PSD3: variants seen among roughly 807,000 people sequenced by gnomAD.
The protein encoded by PSD3 is pleckstrin and Sec7 domain containing 3, also known as PH and SEC7 domain-containing protein 3.
In PSD3, 49 loss-of-function variants were observed where a neutral mutation model predicts 105.5. The ratio of observed to expected loss-of-function variants is 0.46; its 90% confidence interval spans 0.37 to 0.59. PSD3 has a LOEUF of 0.59. PSD3 is among the 20% of genes least tolerant of loss of function. The probability of loss-of-function intolerance (pLI) is 0.00; values close to 1 mark genes in which losing one functional copy is unlikely to be tolerated. For missense variants in PSD3, 1,561 were observed against 1,263.8 expected (o/e 1.24, Z -3.57); for synonymous variants, 557 against 457.8 (o/e 1.22, Z -2.77).
At chr8:18,975,210 C>A (rs1232992686) in intron 1 of PSD3, among the ~76,000 whole-genome samples, 1 of 151,956 alleles carries the variant, frequency 6.6e-6, no homozygotes, top group African/African-American at 2.4e-5. Flanking sequence ...TTCTACATCC[C>A]TAATATATCA....
intron 12 of PSD3, among the ~76,000 whole-genome samples, chr8:18,599,485 T>C (rs1360823409): frequency 6.6e-6 from 1 of 152,170 alleles, no homozygotes; most frequent in Non-Finnish European, 1.5e-5. Context: ...GGAAACGACC[T>C]AAGTGTCCAC....
intron 4 of PSD3, among the ~76,000 whole-genome samples, chr8:18,846,942 G>A (rs1014429549): frequency 3.9e-5 from 6 of 152,100 alleles, no homozygotes; most frequent in African/African-American, 1.2e-4. Context: ...TGAAGTACCA[G>A]GAAAACCCCA....
intron 1 of PSD3, among the ~76,000 whole-genome samples, chr8:18,977,259 C>A (rs377394079): frequency 3.5e-4 from 40 of 113,134 alleles, no homozygotes; most frequent in South Asian, 3.2e-4. Flanking sequence ...CACCCTATCT[C>A]AAAAAAAAAA....
intron 1 of PSD3, among the ~76,000 whole-genome samples, chr8:19,056,290 A>G (rs1005016661): frequency 6.6e-6 from 1 of 152,164 alleles, no homozygotes; most frequent in Non-Finnish European, 1.5e-5. Context: ...AATAAAACTG[A>G]CCCTCCTATA....
At position 18,839,561 on chromosome 8, in the gene PSD3, C is replaced by T. The variant is rs148704452; in HGVS notation, c.1634+28113G>A. ...TGATGGTTCCGGGCAGTCACAGAGG[C>T]GGCCTACTTTAAGGAGAAACACTTC... On this transcript the variant is annotated intron_variant, in intron 4 of 15. Transcript: ENST00000327040. Among the ~76,000 whole-genome samples the T allele has an allele frequency of 1.8e-4, 28 of 152,176 alleles. No homozygotes were observed. The East Asian group carries it at 4.9e-3, about 26-fold the overall frequency.
intron 12 of PSD3, among the ~76,000 whole-genome samples, chr8:18,590,986 G>A (rs1363093272): frequency 6.6e-6 from 1 of 152,116 alleles, no homozygotes; most frequent in Non-Finnish European, 1.5e-5. Context: ...GTCTCTTCCT[G>A]GGAGTGCTGT....
chr8:18,786,358 T>G (rs939102392), intron 8 of PSD3, among the ~76,000 whole-genome samples: 1 of 152,252 alleles, frequency 6.6e-6, no homozygotes, highest in Non-Finnish European at 1.5e-5. Flanking sequence ...ATTAAAAACA[T>G]CATTTAAGTA....
At chr8:18,889,100 C>A (rs1048380418) in intron 2 of PSD3, among the ~76,000 whole-genome samples, 2 of 152,064 alleles carry the variant, frequency 1.3e-5, no homozygotes, top group Admixed American at 1.3e-4. Flanking sequence ...TTAGTTAACA[C>A]TTACTTTGAC....
At chr8:18,712,606 T>C (rs533763575) in intron 9 of PSD3, among the ~76,000 whole-genome samples, 1 of 152,086 alleles carries the variant, frequency 6.6e-6, no homozygotes, top group Admixed American at 6.6e-5. Context: ...AACAGACCAA[T>C]ATTGAGTTCT....
intron 1 of PSD3, among the ~76,000 whole-genome samples, chr8:18,999,150 T>C (rs1378941138): frequency 6.6e-6 from 1 of 152,014 alleles, no homozygotes; most frequent in African/African-American, 2.4e-5. Context: ...AATGTCCTAA[T>C]GTCTCTACCT....
intron 1 of PSD3, among the ~76,000 whole-genome samples, chr8:19,067,756 C>T (rs576390624): frequency 2.0e-5 from 3 of 152,278 alleles, no homozygotes; most frequent in South Asian, 2.1e-4. Context: ...ACAGCAGTTG[C>T]GTCTGCATGA....
chr8:18,927,234 G>C lies in PSD3; in HGVS notation c.130+8800C>G, dbSNP rs145621206. Among the ~76,000 whole-genome samples, 15 of 152,082 alleles carry C rather than the reference G, an allele frequency of 9.9e-5. No homozygotes were observed. The East Asian group carries it at 2.7e-3, about 28-fold the overall frequency. On this transcript the variant is annotated intron_variant, in intron 2 of 15. Coordinates refer to ENST00000327040, the MANE Select transcript of PSD3 (RefSeq NM_015310.4). ...GGTTTTTTTGTTTTGTTTTTTCTGAGACAGAGTGTCACTCTGTTGCCCAGG... is the reference window on the plus strand; with the variant it reads ...GGTTTTTTTGTTTTGTTTTTTCTGACACAGAGTGTCACTCTGTTGCCCAGG...
chr8:19,055,936 A>T (rs918976260), intron 1 of PSD3, among the ~76,000 whole-genome samples: 2 of 152,242 alleles, frequency 1.3e-5, no homozygotes, highest in African/African-American at 2.4e-5. Flanking sequence ...CTACTTTCCC[A>T]GGTTATCTGT....
At chr8:18,912,074 TA>T (rs1261854003) in intron 2 of PSD3, among the ~76,000 whole-genome samples, 11 of 152,172 alleles carry the variant, frequency 7.2e-5, no homozygotes, top group African/African-American at 2.7e-4. Context: ...ATCAACCCAC[TA>T]GACCAGGTTT....
intron 2 of PSD3, among the ~76,000 whole-genome samples, chr8:18,917,487 T>A (rs1449520138): frequency 6.6e-6 from 1 of 152,224 alleles, no homozygotes; most frequent in Non-Finnish European, 1.5e-5. Flanking sequence ...TGCAGATTAG[T>A]TCTTGGAAAC....
chr8:18,775,049 A>C (rs1807914226), intron 8 of PSD3: 1 of 433,216 alleles, frequency 2.3e-6, no homozygotes, highest in Non-Finnish European at 4.7e-6. Flanking sequence ...CCACCAATCT[A>C]CTCTCTACCT....
At chr8:18,566,104 T>G (rs1801729200) in intron 14 of PSD3, among the ~76,000 whole-genome samples, 1 of 152,088 alleles carries the variant, frequency 6.6e-6, no homozygotes, top group Non-Finnish European at 1.5e-5. Context: ...AGTATAGATA[T>G]CCCCAAGAGC....
chr8:18,994,786 C>A, intron 1 of PSD3, among the ~76,000 whole-genome samples: 1 of 150,220 alleles, frequency 6.7e-6, no homozygotes. Context: ...TGAATAGCAC[C>A]CATACAGAAG....
intron 9 of PSD3, among the ~76,000 whole-genome samples, chr8:18,661,857 T>C (rs1791817335): frequency 6.6e-6 from 1 of 152,194 alleles, no homozygotes; most frequent in African/African-American, 2.4e-5. Context: ...GCTATTTGTG[T>C]TCTCCCGTAC....
Sources: allele counts gnomAD v4.1 joint callset (sites outside exome capture counted in the v4.1 genomes callset), GRCh38; gene constraint gnomAD v4.1.1; transcripts MANE v1.5; gene names NCBI Gene and HGNC (gene_info 2026-07-23, HGNC 2026-07-21).